The following ZNF2 variants were observed in gnomAD, a reference collection of about 807,000 sequenced individuals.
ZNF2 encodes the protein zinc finger protein 2.2.
Under a neutral mutation model 21.9 loss-of-function variants are expected in ZNF2, and 12 were observed. The ratio of observed to expected loss-of-function variants is 0.55; its 90% CI spans 0.35 to 0.89. The LOEUF (loss-of-function observed/expected upper bound fraction) is 0.89. Ranked by LOEUF, ZNF2 falls within the 40% of genes least tolerant of loss-of-function variation. ZNF2 has a pLI of 0.01. For missense variants in ZNF2, 462 were observed against 544.2 expected (o/e 0.85, Z 1.50); for synonymous variants, 186 against 196.3 (o/e 0.95, Z 0.44).
chr2:95,166,004 C>T (rs1558707943), intron 1 of ZNF2, 144 bp downstream of exon 1: 1 of 152,154 alleles, frequency 6.6e-6, no homozygotes, highest in Non-Finnish European at 1.5e-5. Flanking sequence ...GTCGCGACGT[C>T]TCGGTGCGGA....
At chr2:95,179,896 A>G (rs1438672842) in intron 3 of ZNF2, among the ~76,000 whole-genome samples, 1 of 152,112 alleles carries the variant, frequency 6.6e-6, no homozygotes, top group Admixed American at 6.5e-5. Context: ...ATCTCTACTA[A>G]AAATACAAAA....
chr2:95,180,612 C>T (rs370999545), intron 4 of ZNF2, among the ~76,000 whole-genome samples: 73 of 151,794 alleles, frequency 4.8e-4, no homozygotes, highest in African/African-American at 1.0e-3. Context: ...CAGGTTCAAG[C>T]GATTCTGCCT....
At chr2:95,166,033 C>T (rs1674017810) in intron 1 of ZNF2, among the ~76,000 whole-genome samples, 173 bp downstream of exon 1, 1 of 152,098 alleles carries the variant, frequency 6.6e-6, no homozygotes, top group South Asian at 2.1e-4. Flanking sequence ...TGTGCATCCA[C>T]CCCCGTGTGT....
At chr2:95,179,746 AT>A (rs1243940137) in intron 3 of ZNF2, among the ~76,000 whole-genome samples, 1 of 151,980 alleles carries the variant, frequency 6.6e-6, no homozygotes. Context: ...TGCCTTTTGC[AT>A]TTTCTCTCTA....
chr2:95,166,939 A>G (rs1674068590), intron 1 of ZNF2, among the ~76,000 whole-genome samples: 1 of 152,218 alleles, frequency 6.6e-6, no homozygotes, highest in Non-Finnish European at 1.5e-5. Context: ...GTATTGTAAA[A>G]TTACAATACA....
intron 4 of ZNF2, 172 bp from the exon 5 acceptor site, chr2:95,180,931 C>T: frequency 1.4e-6 from 1 of 734,492 alleles, no homozygotes; most frequent in Non-Finnish European, 2.2e-6. Context: ...ATTCTGTTCC[C>T]TGCCACCTTC....
rs551550731 is a variant in ZNF2 at position 95,175,073 on chromosome 2, A to G, written c.-39-1115A>G. ...TTTTTATAGAGACAGAGGTCTTGCT[A>G]TGTTGCCCAGGCTGGTCTTGAGAAC... is the stretch of plus-strand genomic sequence containing the variant. On this transcript the variant is annotated intron_variant, in intron 1 of 4. Transcript: ENST00000614034. Among the ~76,000 whole-genome samples the G allele has an allele frequency of 2.6e-5, 4 of 152,158 alleles. No homozygotes were observed. The South Asian group carries it at 6.2e-4, about 24-fold the overall frequency.
intron 1 of ZNF2, among the ~76,000 whole-genome samples, chr2:95,167,505 C>CAAAAAA (rs756206050): frequency 4.5e-5 from 2 of 44,930 alleles, no homozygotes; most frequent in Non-Finnish European, 4.8e-5. Context: ...GACTCAGTCT[C>CAAAAAA]AAAAAAAAAA....
intron 3 of ZNF2, 94 bp from the exon 4 acceptor site, chr2:95,180,065 C>A (rs894887185): frequency 3.3e-6 from 3 of 898,546 alleles, no homozygotes; most frequent in Admixed American, 3.9e-5. Flanking sequence ...TCAACAACAA[C>A]AAAAAAATCT....
In ZNF2 at chr2:95,184,150, G is replaced by A. The variant is rs1674784256; in HGVS notation, c.*2044G>A. 1 of 152,152 alleles carries A rather than the reference G, an allele frequency of 6.6e-6. No homozygotes were observed. Among genetic ancestry groups the A allele is most frequent in the Non-Finnish European group, 1.5e-5 (1 of 68,036 alleles). 9.4% of individuals were successfully genotyped at this position (152,152 alleles called of 1,614,324 possible). A position where few individuals can be genotyped will look rare whatever the true frequency, so the allele number is the denominator to read the frequency against. On this transcript the variant is annotated 3_prime_UTR_variant, in exon 5 of 5. Transcript: ENST00000614034. ...AACAGACCCTCCCCAACCTACTAAC[G>A]ACCCTATTACTCTGTTCACCCTAGA... is the stretch of plus-strand genomic sequence containing the variant.
In ZNF2 at chr2:95,169,664, C is replaced by T. The variant is rs191000534; in HGVS notation, c.-40+3804C>T. On this transcript the variant is annotated intron_variant, in intron 1 of 4. Coordinates refer to ENST00000614034, the MANE Select transcript of ZNF2 (RefSeq NM_021088.4). ...ACTCAGGAGGCTGAGGCAGGAGAATCGCTTGAACCGGGGAGGCAGAGGTTG... is the reference window on the plus strand; with the variant it reads ...ACTCAGGAGGCTGAGGCAGGAGAATTGCTTGAACCGGGGAGGCAGAGGTTG... Among the ~76,000 whole-genome samples the T allele has an allele frequency of 1.1e-4, 16 of 152,158 alleles. No individual in the cohort carries two copies. In the East Asian group the frequency reaches 1.5e-3, roughly 15 times the overall value.
chr2:95,168,901 C>T (rs1401729952), intron 1 of ZNF2, among the ~76,000 whole-genome samples: 1 of 152,152 alleles, frequency 6.6e-6, no homozygotes, highest in South Asian at 2.1e-4. Flanking sequence ...GAATGGTACC[C>T]ATGGAGGTTT....
rs777889749 is a variant in ZNF2 at position 95,176,202 on chromosome 2, C to A, written c.-25C>A. 3.7e-6 allele frequency: 6 copies of A among 1,614,112 alleles called. No individual in the cohort carries two copies. The South Asian group carries it at 6.6e-5, about 18-fold the overall frequency. The stretch of plus-strand genomic sequence containing the variant: ...TGCCTCATTAGGACTCTGCCCTTGT[C>A]CACAAGGAGAGCACACAGGAGAGAA... On this transcript the variant is annotated 5_prime_UTR_variant, in exon 2 of 5. Coordinates refer to ENST00000614034, the MANE Select transcript of ZNF2 (RefSeq NM_021088.4).
chr2:95,178,253 G>A (rs1451319411), intron 3 of ZNF2, among the ~76,000 whole-genome samples: 1 of 152,182 alleles, frequency 6.6e-6, no homozygotes, highest in African/African-American at 2.4e-5. Context: ...CCTTTCAGGA[G>A]CTTCACGAGA....
At chr2:95,171,632 C>T (rs1674274563) in intron 1 of ZNF2, among the ~76,000 whole-genome samples, 1 of 152,328 alleles carries the variant, frequency 6.6e-6, no homozygotes, top group Non-Finnish European at 1.5e-5. Flanking sequence ...CCACCCGCCT[C>T]GGCCTCCCAA....
chr2:95,167,239 C>T (rs1264798577), intron 1 of ZNF2, among the ~76,000 whole-genome samples: 1 of 152,196 alleles, frequency 6.6e-6, no homozygotes, highest in Non-Finnish European at 1.5e-5. Flanking sequence ...CACAGTGGCT[C>T]ACGCCTGTAA....
intron 3 of ZNF2, among the ~76,000 whole-genome samples, chr2:95,177,839 C>A (rs1674501213): frequency 6.6e-6 from 1 of 152,178 alleles, no homozygotes; most frequent in South Asian, 2.1e-4. Context: ...TGACCATAGG[C>A]TCTCTCGCTC....
chr2:95,179,729 T>G (rs943341307), intron 3 of ZNF2, among the ~76,000 whole-genome samples: 1 of 152,222 alleles, frequency 6.6e-6, no homozygotes, highest in African/African-American at 2.4e-5. Context: ...TCTTGGCTTG[T>G]GCGTTCTGCC....
At position 95,180,951 on chromosome 2, in the gene ZNF2, A is replaced by C. The variant is rs1573403686; in HGVS notation, c.275-152A>C. The stretch of plus-strand genomic sequence containing the variant: ...GTTCCCTGCCACCTTCTTCACTCCC[A>C]GGTCTTAGTCCCTCCCTGCCGTGTA... On this transcript the variant is annotated intron_variant, in intron 4 of 4. Transcript: ENST00000614034. The C allele has an allele frequency of 4.5e-6, 4 of 881,232 alleles. No individual in the cohort carries two copies. In the East Asian group the frequency reaches 1.0e-4, roughly 22 times the overall value. The allele number at this position is 881,232 out of a possible 1,614,324, so 54.6% of individuals were successfully genotyped here.
Sources: allele counts gnomAD v4.1 joint callset (sites outside exome capture counted in the v4.1 genomes callset), GRCh38; gene constraint gnomAD v4.1.1; transcripts MANE v1.5; gene names NCBI Gene and HGNC (gene_info 2026-07-23, HGNC 2026-07-21).